Variants in CSMD1 observed in about 807,000 individuals in gnomAD.
CSMD1 encodes CUB and sushi domain-containing protein 1.
Under a neutral mutation model 417.5 loss-of-function variants are expected in CSMD1, and 213 were observed. The observed-to-expected ratio is 0.51, with a 90% CI of 0.46 to 0.57. The LOEUF (loss-of-function observed/expected upper bound fraction) is 0.57, where lower values mean the gene tolerates loss of function less well. Ranked by LOEUF, CSMD1 falls within the 20% of genes least tolerant of loss-of-function variation. The probability of loss-of-function intolerance (pLI) is 0.00; values close to 1 mark genes in which losing one functional copy is unlikely to be tolerated. For missense variants in CSMD1, 6,923 were observed against 4,529.7 expected (o/e 1.53, Z -15.17); for synonymous variants, 2,862 against 1,736.8 (o/e 1.65, Z -16.11).
intron 1 of CSMD1, among the ~76,000 whole-genome samples, chr8:4,849,920 T>C (rs558518516): frequency 2.0e-5 from 3 of 152,366 alleles, no homozygotes; most frequent in South Asian, 4.1e-4. Flanking sequence ...TATATTATGA[T>C]GCTATGTTTA....
chr8:3,099,649 T>A (rs1374475116), intron 46 of CSMD1, among the ~76,000 whole-genome samples: 1 of 152,214 alleles, frequency 6.6e-6, no homozygotes, highest in African/African-American at 2.4e-5. Flanking sequence ...AAGAAACCTT[T>A]ACTGAGTTGC....
chr8:4,898,775 A>G lies in CSMD1; in HGVS notation c.85+95557T>C, dbSNP rs1411238889. Among the ~76,000 whole-genome samples the G allele has an allele frequency of 2.6e-5, 4 of 152,006 alleles. No homozygotes were observed. The East Asian group carries it at 7.8e-4, about 30-fold the overall frequency. On this transcript the variant is annotated intron_variant, in intron 1 of 69. Transcript: ENST00000635120. ...TTAGTTCATCGTTGGAAGCGGGGGG[A>G]AGTGAAATGAAAACTGCATAATAAA...
chr8:3,479,577 G>C (rs1168043556), intron 11 of CSMD1, among the ~76,000 whole-genome samples: 3 of 152,194 alleles, frequency 2.0e-5, no homozygotes, highest in Non-Finnish European at 4.4e-5. Flanking sequence ...ACCGCGCCCA[G>C]CCTGCCATTT....
At chr8:3,142,952 T>C (rs541226352) in intron 40 of CSMD1, among the ~76,000 whole-genome samples, 1 of 152,332 alleles carries the variant, frequency 6.6e-6, no homozygotes, top group South Asian at 2.1e-4. Flanking sequence ...ACCACAGAGC[T>C]ACACAGGTGG....
chr8:3,859,221 C>A (rs916783456), intron 5 of CSMD1, among the ~76,000 whole-genome samples: 3 of 152,170 alleles, frequency 2.0e-5, no homozygotes, highest in Non-Finnish European at 2.9e-5. Context: ...GGGAAAGCCA[C>A]CATTCAACTT....
intron 1 of CSMD1, among the ~76,000 whole-genome samples, chr8:4,712,477 G>C (rs987222197): frequency 6.6e-6 from 1 of 152,158 alleles, no homozygotes; most frequent in African/African-American, 2.4e-5. Flanking sequence ...CCATGTCAAA[G>C]CAGAAATGGC....
chr8:4,724,310 T>C (rs1046089992), intron 1 of CSMD1, among the ~76,000 whole-genome samples: 8 of 152,132 alleles, frequency 5.3e-5, no homozygotes, highest in Admixed American at 2.6e-4. Context: ...CATAGGGTTA[T>C]CTATATCACT....
chr8:3,950,629 T>A (rs898959466), intron 5 of CSMD1, among the ~76,000 whole-genome samples: 1 of 152,206 alleles, frequency 6.6e-6, no homozygotes, highest in Non-Finnish European at 1.5e-5. Context: ...AGGAACGTGT[T>A]TGATCTTTTT....
intron 5 of CSMD1, among the ~76,000 whole-genome samples, chr8:3,840,620 T>C (rs1042529582): frequency 1.3e-5 from 2 of 152,010 alleles, no homozygotes; most frequent in African/African-American, 4.8e-5. Context: ...GTTTATGATA[T>C]ATCTGTGTGT....
intron 18 of CSMD1, among the ~76,000 whole-genome samples, chr8:3,381,771 A>T (rs1810643033): frequency 6.6e-6 from 1 of 152,186 alleles, no homozygotes; most frequent in African/African-American, 2.4e-5. Flanking sequence ...AGTGAAAAAT[A>T]AAAAATCTCA....
At chr8:3,077,358 T>C (rs1813757610) in intron 49 of CSMD1, among the ~76,000 whole-genome samples, 1 of 151,982 alleles carries the variant, frequency 6.6e-6, no homozygotes, top group Non-Finnish European at 1.5e-5. Flanking sequence ...AATGAGAAGA[T>C]GAGAAGCAAC....
chr8:4,482,391 C>T lies in CSMD1; in HGVS notation c.303-62326G>A, dbSNP rs112623079. Among the ~76,000 whole-genome samples, 1,318 of 152,256 alleles carry T rather than the reference C, an allele frequency of 8.7e-3. 14 individuals are homozygous for T. Among genetic ancestry groups the T allele is most frequent in the African/African-American group, 0.03 (1,237 of 41,538 alleles). On this transcript the variant is annotated intron_variant, in intron 2 of 69. Coordinates refer to ENST00000635120, the MANE Select transcript of CSMD1 (RefSeq NM_033225.6). ...TTAGTTTGCTAAGGATAATGGCCTC[C>T]AGCTCCATCCATGCTCCTGCAAAGG...
intron 2 of CSMD1, among the ~76,000 whole-genome samples, chr8:4,632,954 G>A (rs1280812754): frequency 1.3e-5 from 2 of 152,148 alleles, no homozygotes; most frequent in African/African-American, 2.4e-5. Flanking sequence ...GGGGACAAAC[G>A]GGAGGGACTG....
intron 42 of CSMD1, among the ~76,000 whole-genome samples, chr8:3,113,514 T>A (rs568587586): frequency 6.6e-6 from 1 of 152,204 alleles, no homozygotes; most frequent in Non-Finnish European, 1.5e-5. Context: ...TAGCAGTCGC[T>A]GTGTTGAAAG....
chr8:4,801,186 T>G (rs1181165792), intron 1 of CSMD1, among the ~76,000 whole-genome samples: 1 of 152,272 alleles, frequency 6.6e-6, no homozygotes, highest in Non-Finnish European at 1.5e-5. Flanking sequence ...CTGTGCCCTT[T>G]TCCTACTTCT....
At chr8:4,175,657 T>A (rs1049034733) in intron 3 of CSMD1, among the ~76,000 whole-genome samples, 5 of 152,134 alleles carry the variant, frequency 3.3e-5, no homozygotes, top group African/African-American at 9.7e-5. Flanking sequence ...GTCAGAACTA[T>A]CTAAAGGTAA....
chr8:3,563,954 T>C (rs549637023), intron 10 of CSMD1, among the ~76,000 whole-genome samples: 5 of 152,278 alleles, frequency 3.3e-5, no homozygotes, highest in African/African-American at 1.2e-4. Flanking sequence ...ATACTAATGT[T>C]CATTCTTTTG....
chr8:4,301,690 T>A (rs771520094), intron 3 of CSMD1, among the ~76,000 whole-genome samples: 3 of 152,232 alleles, frequency 2.0e-5, no homozygotes, highest in Non-Finnish European at 4.4e-5. Flanking sequence ...ACCAGATTAT[T>A]ATTTTTCTTG....
At chr8:4,656,646 A>G (rs1343046723) in intron 1 of CSMD1, among the ~76,000 whole-genome samples, 1 of 152,166 alleles carries the variant, frequency 6.6e-6, no homozygotes, top group Non-Finnish European at 1.5e-5. Context: ...TTAGTTTCAA[A>G]GTTCTCTGAG....
Sources: gnomAD v4.1 joint callset for allele counts (sites outside exome capture counted in the v4.1 genomes callset) on GRCh38, gnomAD v4.1.1 for gene constraint, MANE v1.5 for transcripts, NCBI Gene and HGNC (gene_info 2026-07-23, HGNC 2026-07-21) for gene names.